The following DMBT1 variants were observed in gnomAD, a reference collection of about 807,000 sequenced individuals.
DMBT1 encodes the protein deleted in malignant brain tumors 1.
DMBT1 carries 198 observed loss-of-function variants against 252.9 expected under a neutral mutation model. The ratio of observed to expected loss-of-function variants is 0.78; its 90% CI spans 0.70 to 0.88. The LOEUF (loss-of-function observed/expected upper bound fraction) is 0.88. Among genes scored for constraint, DMBT1 ranks in the 40% least tolerant of loss-of-function variants. DMBT1 has a pLI of 0.00. For missense variants in DMBT1, 2,432 were observed against 2,404.7 expected, an observed-to-expected ratio of 1.01 and a Z score of -0.24; for synonymous variants, 990 against 942.7, an observed-to-expected ratio of 1.05 and a Z score of -0.92.
At position 122,643,371 on chromosome 10, in the gene DMBT1, C is replaced by A; in HGVS notation, c.7602C>A (p.Pro2534=). ...TGGGTCCCATCCAGCTGCAGACCCCCCCACGCCGAGAAGAGGAGCCTCGGT... is the reference window on the plus strand; with the variant it reads ...TGGGTCCCATCCAGCTGCAGACCCCACCACGCCGAGAAGAGGAGCCTCGGT... The part of the protein sequence containing the change: ...VVLGPIQLQT[P]PRREEEPR The change falls in exon 56 of 56, where the codon CCC becomes CCA. Residue 2534 remains proline, a synonymous_variant. Coordinates refer to ENST00000338354, the MANE Select transcript of DMBT1 (RefSeq NM_001377530.1). 2.5e-6 allele frequency: 4 copies of A among 1,613,738 alleles called. No homozygotes were observed. Among genetic ancestry groups the A allele is most frequent in the Non-Finnish European group, 3.4e-6 (4 of 1,179,764 alleles).
At chr10:122,589,567 G>T (rs994909463) in intron 17 of DMBT1, among the ~76,000 whole-genome samples, 2 of 148,234 alleles carry the variant, frequency 1.3e-5, no homozygotes, top group African/African-American at 2.4e-5. Context: ...TGGCTGGAAA[G>T]GAATGGCTGG....
At chr10:122,642,226 G>A (rs1417714772) in intron 55 of DMBT1, among the ~76,000 whole-genome samples, 2 of 152,112 alleles carry the variant, frequency 1.3e-5, no homozygotes, top group African/African-American at 4.8e-5. Flanking sequence ...GAGAATCTGG[G>A]TTGCCTATGG....
At chr10:122,641,494 A>C (rs1391481886) in intron 55 of DMBT1, among the ~76,000 whole-genome samples, 5 of 152,202 alleles carry the variant, frequency 3.3e-5, no homozygotes, top group Non-Finnish European at 7.3e-5. Flanking sequence ...CACAGTGTGA[A>C]CATATGTCAG....
chr10:122,643,379 G>A lies in DMBT1; in HGVS notation c.7610G>A (p.Arg2537Gln), dbSNP rs771169614. The change falls in exon 56 of 56, where the codon CGA becomes CAA. Residue 2537 changes from arginine to glutamine, a missense_variant. Around this residue, in one of 3 missense-constraint regions of DMBT1, gnomAD observed 1,162 missense variants for 1,169.0 expected, o/e 0.99. Transcript: ENST00000338354. Reference protein sequence around the residue: ...GPIQLQTPPRREEEPR With the variant: ...GPIQLQTPPRQEEEPR ...ATCCAGCTGCAGACCCCCCCACGCC[G>A]AGAAGAGGAGCCTCGGTAGGTGGTC... The A allele has an allele frequency of 5.6e-6, 9 of 1,613,340 alleles. No homozygotes were observed. The highest frequency in any genetic ancestry group is 6.8e-6 in the Non-Finnish European group (8 of 1,179,552).
Position 122,618,119 on chromosome 10 carries a change from A to G in DMBT1, c.4994A>G (p.Asp1665Gly), listed in dbSNP as rs1422686231. Residue 1665 changes from aspartate (D) to glycine (G), a missense_variant, in exon 41 of 56, where the codon GAC becomes GGC. This residue lies in a region of DMBT1 where 1,162 missense variants were observed against 1,169.0 expected (regional missense o/e 0.99). Transcript: ENST00000338354. ...GGCTCCTGGGGCACCGTGTGTGATG[A>G]CTACTGGGACACCAATGATGCCAAC... ...YQGSWGTVCDDYWDTNDANVV... is the reference protein window; with the variant it reads ...YQGSWGTVCDGYWDTNDANVV... 1.2e-6 allele frequency: 2 copies of G among 1,613,784 alleles called. No individual in the cohort carries two copies. The highest frequency in any genetic ancestry group is 1.3e-5 in the African/African-American group (1 of 74,914).
chr10:122,637,324 G>T lies in DMBT1; in HGVS notation c.6942+12G>T. 3.1e-6 allele frequency: 5 copies of T among 1,587,522 alleles called. No individual in the cohort carries two copies. The highest frequency in any genetic ancestry group is 2.3e-5 in the East Asian group (1 of 43,906). On this transcript the variant is annotated intron_variant, in intron 54 of 55. Transcript: ENST00000338354. ...GCACCTTCAAGCAGGTAAGCCTGGG[G>T]CTTCCCATTCCATTTCCCAGTGCAC...
At chr10:122,617,901 TG>T (rs1321014790) in intron 40 of DMBT1, 115 bp from the exon 41 acceptor site, 26 of 1,525,906 alleles carry the variant, frequency 1.7e-5, no homozygotes, top group Non-Finnish European at 2.1e-5. Context: ...TGTATGCAAT[TG>T]TGACTGCTTG....
At position 122,578,745 on chromosome 10, in the gene DMBT1, C is replaced by T; in HGVS notation, c.665C>T (p.Pro222Leu). The T allele has an allele frequency of 1.2e-6, 2 of 1,609,004 alleles. No homozygotes were observed. The highest frequency in any genetic ancestry group is 1.7e-6 in the Non-Finnish European group (2 of 1,177,452). The change falls in exon 9 of 56, where the codon CCT becomes CTT. Residue 222 changes from proline to leucine, a missense_variant. Pro to Leu is a moderately conservative substitution (Grantham distance 98). Transcript: ENST00000338354. Reference protein sequence around the residue: ...PESWPVRISPPVPTEGSESSL... With the variant: ...PESWPVRISPLVPTEGSESSL... ...AGTTGGCCTGTCAGGATATCACCAC[C>T]TGTACCCACAGAAGGTAAAGAATCC...
At chr10:122,621,414 G>A in intron 44 of DMBT1, 34 bp downstream of exon 44, 1 of 1,613,380 alleles carries the variant, frequency 6.2e-7, no homozygotes, top group Non-Finnish European at 8.5e-7. Flanking sequence ...CCCTCTCTTG[G>A]GGTGGAGTTT....
In DMBT1 at chr10:122,640,463, T is replaced by C. The variant is rs771823536; in HGVS notation, c.7352+14T>C. The C allele has an allele frequency of 6.2e-7, 1 of 1,603,826 alleles. No individual in the cohort carries two copies. Among genetic ancestry groups the C allele is most frequent in the South Asian group, 1.1e-5 (1 of 90,164 alleles). ...AATCCGGAGTGGGTAAGGAGTGTCT[T>C]TATGCGATGGCCTTAAACCTTTACT... On this transcript the variant is annotated intron_variant, in intron 55 of 55. Transcript: ENST00000338354.
intron 15 of DMBT1, among the ~76,000 whole-genome samples, 192 bp from the exon 16 acceptor site, chr10:122,585,868 G>A (rs969703434): frequency 2.7e-5 from 4 of 148,736 alleles, no homozygotes; most frequent in African/African-American, 9.7e-5. Context: ...CCCCAAACTT[G>A]AGCCTTCATA....
In DMBT1 at chr10:122,572,786, C is replaced by T. The variant is rs145673936; in HGVS notation, c.235+425C>T. ...GCCTGGGATACCAAATATATATCTTCCTAAGTGGCAGTTTCTCCCTTTTTA... is the reference window on the plus strand; with the variant it reads ...GCCTGGGATACCAAATATATATCTTTCTAAGTGGCAGTTTCTCCCTTTTTA... On this transcript the variant is annotated intron_variant, in intron 5 of 55. Transcript: ENST00000338354. 5.6e-3 allele frequency among the ~76,000 whole-genome samples: 850 copies of T among 152,230 alleles called. 7 individuals are homozygous for T. The highest frequency in any genetic ancestry group is 0.019 in the African/African-American group (793 of 41,526).
At chr10:122,576,133 G>T (rs1373733661) in intron 6 of DMBT1, among the ~76,000 whole-genome samples, 2 of 152,218 alleles carry the variant, frequency 1.3e-5, no homozygotes, top group Non-Finnish European at 2.9e-5. Context: ...GAAGGGTCAT[G>T]TGTATCTCTA....
chr10:122,630,975 T>G lies in DMBT1; in HGVS notation c.6040T>G (p.Leu2014Val), dbSNP rs1468647708. 3 of 1,600,940 alleles carry G rather than the reference T, an allele frequency of 1.9e-6. No homozygotes were observed. In the South Asian group the frequency reaches 3.3e-5, roughly 18 times the overall value. ...NSFPSDATLR[L>V]VNLNSSYGLC... ...GTGTCTTTCAGATGCCACCTTGAGGTTGGTCAATTTAAATTCATCCTATGG... is the reference window on the plus strand; with the variant it reads ...GTGTCTTTCAGATGCCACCTTGAGGGTGGTCAATTTAAATTCATCCTATGG... The change falls in exon 49 of 56, where the codon TTG (leucine) becomes GTG (valine). Residue 2014 changes from leucine to valine, a missense_variant. Leu to Val is a conservative substitution (Grantham distance 32). Coordinates refer to ENST00000338354, the MANE Select transcript of DMBT1 (RefSeq NM_001377530.1).
At chr10:122,584,809 C>T (rs1242611175) in intron 14 of DMBT1, among the ~76,000 whole-genome samples, 1 of 149,226 alleles carries the variant, frequency 6.7e-6, no homozygotes, top group Admixed American at 6.7e-5. Flanking sequence ...CACCCAGATT[C>T]TGCAGCGCTA....
At chr10:122,640,946 G>T (rs1844420809) in intron 55 of DMBT1, among the ~76,000 whole-genome samples, 1 of 152,236 alleles carries the variant, frequency 6.6e-6, no homozygotes, top group Non-Finnish European at 1.5e-5. Context: ...GTCAAGTGGG[G>T]ATAATGACAC....
Position 122,630,002 on chromosome 10 carries a change from T to C in DMBT1, c.5822+9T>C. On this transcript the variant is annotated intron_variant, in intron 47 of 55. Transcript: ENST00000338354. Reference sequence around the variant, plus strand: ...GGCTTCAGTAATCTGAAGTAAGTAATGCCTGGTCATCTGGTGAGGGGTGAG... The same window carrying C: ...GGCTTCAGTAATCTGAAGTAAGTAACGCCTGGTCATCTGGTGAGGGGTGAG... 1 of 1,613,916 alleles carries C rather than the reference T, an allele frequency of 6.2e-7. No individual in the cohort carries two copies. The highest frequency in any genetic ancestry group is 8.5e-7 in the Non-Finnish European group (1 of 1,179,836).
chr10:122,617,480 AG>A (rs2098003266), intron 40 of DMBT1, among the ~76,000 whole-genome samples: 1 of 151,440 alleles, frequency 6.6e-6, no homozygotes, highest in Admixed American at 6.6e-5. Context: ...CCAAGTGTTC[AG>A]GAACGATCCT....
chr10:122,575,176 G>C (rs2097701248), intron 6 of DMBT1, among the ~76,000 whole-genome samples: 1 of 152,206 alleles, frequency 6.6e-6, no homozygotes, highest in African/African-American at 2.4e-5. Flanking sequence ...CTCCACTGCT[G>C]TTCAATGTTG....
Sources: gnomAD v4.1 joint callset for allele counts (sites outside exome capture counted in the v4.1 genomes callset) on GRCh38, gnomAD v4.1.1 for gene constraint, gnomAD v4.1.1 regional missense constraint, MANE v1.5 for transcripts, NCBI Gene and HGNC (gene_info 2026-07-23, HGNC 2026-07-21) for gene names.